BMP5: variants seen among roughly 807,000 people sequenced by gnomAD.
BMP5 encodes bone morphogenetic protein 5.
Under a neutral mutation model 46.6 loss-of-function variants are expected in BMP5, and 23 were observed. The observed-to-expected ratio is 0.49, with a 90% CI of 0.35 to 0.70. BMP5 has a LOEUF of 0.70. BMP5 is among the 30% of genes least tolerant of loss of function. The pLI, the probability that BMP5 is intolerant of heterozygous loss-of-function variation, is 0.00. For synonymous variants in BMP5, 204 were observed against 191.9 expected (o/e 1.06, Z -0.52); for missense variants, 545 against 565.6 (o/e 0.96, Z 0.37).
At chr6:55,779,663 A>C (rs1328412070) in intron 3 of BMP5, among the ~76,000 whole-genome samples, 7 of 152,022 alleles carry the variant, frequency 4.6e-5, no homozygotes, top group Non-Finnish European at 7.4e-5. Context: ...TATATACTTA[A>C]ATTTACTATA....
At chr6:55,797,936 C>T (rs1775757345) in intron 2 of BMP5, among the ~76,000 whole-genome samples, 1 of 152,030 alleles carries the variant, frequency 6.6e-6, no homozygotes, top group Admixed American at 6.6e-5. Flanking sequence ...GCTGTCATAA[C>T]AAAATACCAG....
In BMP5 at chr6:55,802,124, A is replaced by G. The variant is rs117671363; in HGVS notation, c.684-7697T>C. On this transcript the variant is annotated intron_variant, in intron 2 of 6. Coordinates refer to ENST00000370830, the MANE Select transcript of BMP5 (RefSeq NM_021073.4). The stretch of plus-strand genomic sequence containing the variant: ...TGGAAGTGGTTCCTCTCAACTCACT[A>G]TCTATGATTCAACTAGCAAAATCTG... Among the ~76,000 whole-genome samples, 269 of 152,322 alleles carry G rather than the reference A, an allele frequency of 1.8e-3. 4 individuals carry two copies. In the East Asian group the frequency reaches 0.043, roughly 24 times the overall value.
intron 1 of BMP5, among the ~76,000 whole-genome samples, chr6:55,861,580 C>T (rs1777526940): frequency 6.6e-6 from 1 of 152,186 alleles, no homozygotes; most frequent in South Asian, 2.1e-4. Context: ...GGTGTCTGCA[C>T]AGTGCTTCTT....
chr6:55,870,455 A>G lies in BMP5; in HGVS notation c.490+3921T>C, dbSNP rs1488130827. Among the ~76,000 whole-genome samples, 6 of 152,228 alleles carry G rather than the reference A, an allele frequency of 3.9e-5. No homozygotes were observed. In the East Asian group the frequency reaches 1.2e-3, roughly 29 times the overall value. On this transcript the variant is annotated intron_variant, in intron 1 of 6. Coordinates refer to ENST00000370830, the MANE Select transcript of BMP5 (RefSeq NM_021073.4). ...GCTTTACCCATTATTAGCATTAGTT[A>G]CTCCAGGCATAATTTATGAATATAT... is the stretch of plus-strand genomic sequence containing the variant.
chr6:55,764,673 G>C (rs1774878830), intron 4 of BMP5, among the ~76,000 whole-genome samples: 1 of 151,050 alleles, frequency 6.6e-6, no homozygotes, highest in African/African-American at 2.4e-5. Flanking sequence ...AGATAAGCCA[G>C]GCACAGAGAG....
intron 1 of BMP5, among the ~76,000 whole-genome samples, chr6:55,859,667 T>G (rs1777484073): frequency 6.6e-6 from 1 of 152,206 alleles, no homozygotes; most frequent in Admixed American, 6.5e-5. Context: ...ATTGTAACTT[T>G]TTTCCTGCTC....
intron 3 of BMP5, among the ~76,000 whole-genome samples, chr6:55,780,760 G>A (rs1272893883): frequency 1.3e-5 from 2 of 152,040 alleles, no homozygotes; most frequent in African/African-American, 2.4e-5. Flanking sequence ...ACAAACCCTT[G>A]AGAACCCAAG....
chr6:55,813,404 A>G (rs962482490), intron 2 of BMP5, among the ~76,000 whole-genome samples: 1 of 151,924 alleles, frequency 6.6e-6, no homozygotes, highest in Non-Finnish European at 1.5e-5. Flanking sequence ...ATTTATTTAA[A>G]ATAGTATAAT....
Position 55,784,288 on chromosome 6 carries a change from A to G in BMP5, c.832+9991T>C, listed in dbSNP as rs539021176. Among the ~76,000 whole-genome samples, 4 of 152,038 alleles carry G rather than the reference A, an allele frequency of 2.6e-5. No homozygotes were observed. In the East Asian group the frequency reaches 7.7e-4, roughly 29 times the overall value. On this transcript the variant is annotated intron_variant, in intron 3 of 6. Coordinates refer to ENST00000370830, the MANE Select transcript of BMP5 (RefSeq NM_021073.4). ...TATTCTTTTTAAAATGTTTACTGCT[A>G]TGTAATTATCCTAAGAGGACATAAC...
chr6:55,875,288 T>A lies in BMP5; in HGVS notation c.-423A>T, dbSNP rs982569088. ...AAGTAATCTTCACTTGCTTTTGAGT[T>A]CTTCTCAACCCTTGAGCTCTTTCCA... is the stretch of plus-strand genomic sequence containing the variant. On this transcript the variant is annotated 5_prime_UTR_variant, in exon 1 of 7. Coordinates refer to ENST00000370830, the MANE Select transcript of BMP5 (RefSeq NM_021073.4). 9.5e-6 allele frequency: 2 copies of A among 210,134 alleles called. No homozygotes were observed. Among genetic ancestry groups the A allele is most frequent in the African/African-American group, 4.8e-5 (2 of 42,034 alleles). The allele number at this position is 210,134 out of a possible 1,614,324, so 13.0% of individuals were successfully genotyped here. A position where few individuals can be genotyped will look rare whatever the true frequency, so the allele number is the denominator to read the frequency against.
In BMP5 at chr6:55,874,380, G is replaced by A; in HGVS notation, c.486C>T (p.Asn162=). The change falls in exon 1 of 7, where the codon AAC becomes AAT. Residue 162 remains asparagine (N), a synonymous_variant. Transcript: ENST00000370830. The part of the protein sequence containing the change: ...NDADMVMSFV[N]LVERDKDFSH... The stretch of plus-strand genomic sequence containing the variant: ...ACAAACAAATGAACAACATACCTAA[G>A]TTGACAAAGCTCATGACCATGTCAG... The A allele has an allele frequency of 2.5e-6, 4 of 1,612,972 alleles. No homozygotes were observed. Among genetic ancestry groups the A allele is most frequent in the Non-Finnish European group, 3.4e-6 (4 of 1,179,368 alleles).
chr6:55,803,631 G>T (rs1437983637), intron 2 of BMP5, among the ~76,000 whole-genome samples: 1 of 152,128 alleles, frequency 6.6e-6, no homozygotes, highest in Non-Finnish European at 1.5e-5. Flanking sequence ...GAGCACCTGG[G>T]CTCTTTCAGC....
chr6:55,760,976 A>C (rs542982023), intron 4 of BMP5, among the ~76,000 whole-genome samples: 1 of 152,146 alleles, frequency 6.6e-6, no homozygotes, highest in South Asian at 2.1e-4. Flanking sequence ...TACTTAGCTG[A>C]TTTTATTTTA....
intron 2 of BMP5, among the ~76,000 whole-genome samples, chr6:55,812,958 A>G (rs1034647463): frequency 1.1e-4 from 16 of 152,198 alleles, no homozygotes; most frequent in Non-Finnish European, 5.9e-5. Context: ...ACTATTTTCC[A>G]AAAAATATTT....
At chr6:55,770,519 A>G (rs1382021095) in intron 4 of BMP5, among the ~76,000 whole-genome samples, 1 of 151,914 alleles carries the variant, frequency 6.6e-6, no homozygotes, top group African/African-American at 2.4e-5. Context: ...CGTTCTCCAC[A>G]TCAGCAAGAA....
At chr6:55,858,438 T>C (rs757162933) in intron 1 of BMP5, among the ~76,000 whole-genome samples, 7 of 152,038 alleles carry the variant, frequency 4.6e-5, no homozygotes, top group Non-Finnish European at 8.8e-5. Flanking sequence ...TAACACCTAG[T>C]CACAGGAGGA....
intron 4 of BMP5, among the ~76,000 whole-genome samples, chr6:55,764,825 G>A (rs1774883473): frequency 1.3e-5 from 2 of 151,694 alleles, no homozygotes; most frequent in African/African-American, 2.4e-5. Context: ...ATTGGTTAAT[G>A]AACACAAAAC....
At chr6:55,869,331 AC>A (rs1329136236) in intron 1 of BMP5, among the ~76,000 whole-genome samples, 5 of 152,088 alleles carry the variant, frequency 3.3e-5, no homozygotes, top group Non-Finnish European at 7.4e-5. Context: ...CAACTGAAAA[AC>A]CAGCCTTTAA....
chr6:55,836,627 T>TACACACACACACAC (rs71874169), intron 1 of BMP5, among the ~76,000 whole-genome samples: 8 of 127,290 alleles, frequency 6.3e-5, no homozygotes, highest in African/African-American at 2.4e-4. Context: ...AACACATACA[T>TACACACACACACAC]ACATACACAC....
Sources: allele counts gnomAD v4.1 joint callset (sites outside exome capture counted in the v4.1 genomes callset), GRCh38; gene constraint gnomAD v4.1.1; transcripts MANE v1.5; gene names NCBI Gene and HGNC (gene_info 2026-07-23, HGNC 2026-07-21).